Variants in PEBP4 observed in about 807,000 individuals in gnomAD.
PEBP4 encodes phosphatidylethanolamine binding protein 4, also known as phosphatidylethanolamine-binding protein 4.
A neutral mutation model predicts 23.9 loss-of-function variants in PEBP4; 22 were observed. The ratio of observed to expected loss-of-function variants is 0.92; its 90% CI spans 0.66 to 1.31. The LOEUF (loss-of-function observed/expected upper bound fraction) is 1.31. PEBP4 is among the 40% of genes most tolerant of loss of function. PEBP4 has a pLI of 0.00. For synonymous variants in PEBP4, 112 were observed against 99.3 expected (o/e 1.13, Z -0.76); for missense variants, 324 against 281.7 (o/e 1.15, Z -1.07).
chr8:22,740,852 A>G (rs778075575), intron 4 of PEBP4, among the ~76,000 whole-genome samples: 31 of 152,110 alleles, frequency 2.0e-4, no homozygotes, highest in Non-Finnish European at 4.1e-4. Context: ...AAGTGGCCCC[A>G]AGTTAGTGAC....
intron 3 of PEBP4, among the ~76,000 whole-genome samples, chr8:22,850,483 C>T (rs1476331920): frequency 1.3e-5 from 2 of 152,112 alleles, no homozygotes; most frequent in African/African-American, 2.4e-5. Flanking sequence ...CCAGGTGAGG[C>T]GGGAGCTGTG....
In PEBP4 at chr8:22,787,104, G is replaced by A. The variant is rs149596801; in HGVS notation, c.357+30533C>T. ...TCCCAAGAGTGCTGGGATTACAGGCGTAAGCCACTGTGCCCAGCTAAGGGC... is the reference window on the plus strand; with the variant it reads ...TCCCAAGAGTGCTGGGATTACAGGCATAAGCCACTGTGCCCAGCTAAGGGC... On this transcript the variant is annotated intron_variant, in intron 4 of 6. Transcript: ENST00000256404. 2.2e-3 allele frequency among the ~76,000 whole-genome samples: 337 copies of A among 152,326 alleles called. 2 individuals carry two copies. Among genetic ancestry groups the A allele is most frequent in the South Asian group, 5.2e-3 (25 of 4,832 alleles).
chr8:22,898,390 C>CA (rs1563253479), intron 3 of PEBP4, among the ~76,000 whole-genome samples: 6 of 28,254 alleles, frequency 2.1e-4, no homozygotes, highest in Non-Finnish European at 2.4e-4. Context: ...AGACTCCACC[C>CA]CAAAAAAAAA....
intron 4 of PEBP4, among the ~76,000 whole-genome samples, chr8:22,791,643 A>T (rs1324591889): frequency 6.6e-6 from 1 of 152,202 alleles, no homozygotes; most frequent in Non-Finnish European, 1.5e-5. Flanking sequence ...GCATATTCAC[A>T]AGGCAGCCGC....
At chr8:22,864,399 C>T (rs972114298) in intron 3 of PEBP4, among the ~76,000 whole-genome samples, 3 of 151,826 alleles carry the variant, frequency 2.0e-5, no homozygotes, top group African/African-American at 7.3e-5. Context: ...AGGACAGGGA[C>T]TGTGTGACCT....
chr8:22,804,347 T>G (rs953561), intron 4 of PEBP4, among the ~76,000 whole-genome samples: 56,203 of 151,746 alleles, frequency 0.37, 10,760 homozygotes, highest in Middle Eastern at 0.47. Flanking sequence ...ACAACAAAAA[T>G]GCAAGGCAGT....
At chr8:22,747,020 G>C (rs1331196234) in intron 4 of PEBP4, among the ~76,000 whole-genome samples, 1 of 143,756 alleles carries the variant, frequency 7.0e-6, no homozygotes, top group African/African-American at 2.5e-5. Flanking sequence ...TTTTTTTAGA[G>C]ACGGGGGTCT....
chr8:22,719,454 G>C (rs923216572), intron 6 of PEBP4, among the ~76,000 whole-genome samples: 3 of 152,202 alleles, frequency 2.0e-5, no homozygotes, highest in Non-Finnish European at 2.9e-5. Flanking sequence ...AGGATTCTGA[G>C]GCTCAGCCAC....
At chr8:22,771,529 A>C (rs1242303823) in intron 4 of PEBP4, among the ~76,000 whole-genome samples, 1 of 152,214 alleles carries the variant, frequency 6.6e-6, no homozygotes, top group African/African-American at 2.4e-5. Flanking sequence ...ATTATAACAA[A>C]ACCATATGTG....
intron 3 of PEBP4, among the ~76,000 whole-genome samples, chr8:22,891,273 A>G (rs973595508): frequency 6.6e-6 from 1 of 150,548 alleles, no homozygotes; most frequent in Non-Finnish European, 1.5e-5. Context: ...TGTGGCAGTC[A>G]AGGCAAAGCC....
At chr8:22,920,951 A>G (rs1176519030) in intron 2 of PEBP4, among the ~76,000 whole-genome samples, 1 of 152,220 alleles carries the variant, frequency 6.6e-6, no homozygotes. Flanking sequence ...GTATGAATGA[A>G]CCAGTTCATG....
intron 3 of PEBP4, among the ~76,000 whole-genome samples, chr8:22,918,534 C>A (rs1306616295): frequency 6.6e-6 from 1 of 152,204 alleles, no homozygotes; most frequent in African/African-American, 2.4e-5. Context: ...CAAATCCCTG[C>A]TCTGGAGGAC....
intron 4 of PEBP4, among the ~76,000 whole-genome samples, chr8:22,741,933 G>A (rs1805004078): frequency 6.6e-6 from 1 of 152,190 alleles, no homozygotes; most frequent in African/African-American, 2.4e-5. Context: ...AAAGGGGACA[G>A]GGTCACAGCA....
intron 4 of PEBP4, among the ~76,000 whole-genome samples, chr8:22,774,303 C>G (rs768045565): frequency 6.6e-6 from 1 of 152,208 alleles, no homozygotes; most frequent in Non-Finnish European, 1.5e-5. Context: ...TCCCCATTCA[C>G]GCTAGGATGT....
chr8:22,935,532 A>G (rs1360431717), intron 1 of PEBP4, among the ~76,000 whole-genome samples: 1 of 152,194 alleles, frequency 6.6e-6, no homozygotes, highest in African/African-American at 2.4e-5. Context: ...TCAAAAACAA[A>G]AAACACAATA....
At chr8:22,760,767 G>T (rs151154637) in intron 4 of PEBP4, among the ~76,000 whole-genome samples, 3 of 152,208 alleles carry the variant, frequency 2.0e-5, no homozygotes, top group Non-Finnish European at 4.4e-5. Context: ...ATACGAGAAG[G>T]CTTGTGCAAA....
intron 3 of PEBP4, among the ~76,000 whole-genome samples, chr8:22,875,414 T>C (rs1000234633): frequency 3.9e-5 from 6 of 152,192 alleles, no homozygotes; most frequent in African/African-American, 1.2e-4. Context: ...GCGGATTACT[T>C]CATCACCCAG....
At chr8:22,863,266 C>T (rs1016180598) in intron 3 of PEBP4, among the ~76,000 whole-genome samples, 3 of 152,072 alleles carry the variant, frequency 2.0e-5, no homozygotes, top group African/African-American at 4.8e-5. Context: ...CAGGGGAGTC[C>T]CTCATGCTCC....
chr8:22,737,275 T>C (rs1323040076), intron 4 of PEBP4, among the ~76,000 whole-genome samples: 1 of 120,066 alleles, frequency 8.3e-6, no homozygotes, highest in African/African-American at 3.4e-5. Flanking sequence ...GCGTGGGCAA[T>C]AGAGTTGAGA....
Sources: gnomAD v4.1 joint callset for allele counts (sites outside exome capture counted in the v4.1 genomes callset) on GRCh38, gnomAD v4.1.1 for gene constraint, MANE v1.5 for transcripts, NCBI Gene and HGNC (gene_info 2026-07-23, HGNC 2026-07-21) for gene names.